The following TANGO6 variants were observed in gnomAD, a reference collection of about 807,000 sequenced individuals.
The protein encoded by TANGO6 is transport and golgi organization 6 homolog.
In TANGO6, 90 loss-of-function variants were observed where a neutral mutation model predicts 114.2. That is an observed-to-expected ratio of 0.79 (90% CI 0.66 to 0.94). TANGO6 has a LOEUF of 0.94. Ranked by LOEUF, TANGO6 falls within the 40% of genes least tolerant of loss-of-function variation. The pLI is 0.00. For missense variants in TANGO6, 1,274 were observed against 1,315.3 expected (o/e 0.97, Z 0.49); for synonymous variants, 477 against 509.8 (o/e 0.94, Z 0.87).
intron 17 of TANGO6, among the ~76,000 whole-genome samples, chr16:69,057,799 G>A (rs978659231): frequency 3.3e-5 from 5 of 152,118 alleles, no homozygotes; most frequent in South Asian, 2.1e-4. Flanking sequence ...CTGACCTCCC[G>A]GGACCTGCCA....
chr16:69,020,676 G>A (rs1959385419), intron 15 of TANGO6, among the ~76,000 whole-genome samples: 1 of 152,100 alleles, frequency 6.6e-6, no homozygotes, highest in Non-Finnish European at 1.5e-5. Context: ...GAGGCAGGAG[G>A]ATCACTTGAG....
intron 16 of TANGO6, among the ~76,000 whole-genome samples, chr16:69,025,679 T>G (rs80209643): frequency 0.031 from 4,743 of 152,266 alleles, 262 homozygotes; most frequent in African/African-American, 0.11. Context: ...TGGAGGTAAG[T>G]TTGCACTGGG....
intron 14 of TANGO6, among the ~76,000 whole-genome samples, chr16:68,945,083 G>A (rs1963400251): frequency 6.6e-6 from 1 of 152,244 alleles, no homozygotes; most frequent in Non-Finnish European, 1.5e-5. Flanking sequence ...AGAGGTTGCA[G>A]TGAGCTGAGA....
At chr16:68,928,298 A>ATTTTTTT (rs10701295) in intron 13 of TANGO6, among the ~76,000 whole-genome samples, 23 of 98,600 alleles carry the variant, frequency 2.3e-4, no homozygotes, top group South Asian at 3.5e-4. Context: ...CTGAGTGCCA[A>ATTTTTTT]TTTTTTTTTT....
intron 1 of TANGO6, among the ~76,000 whole-genome samples, chr16:68,848,663 A>C (rs1205052779): frequency 3.9e-5 from 6 of 152,142 alleles, no homozygotes; most frequent in Admixed American, 3.9e-4. Flanking sequence ...AATATATTTT[A>C]ATATAGTTAG....
intron 7 of TANGO6, among the ~76,000 whole-genome samples, chr16:68,882,358 G>A (rs553984042): frequency 2.4e-4 from 36 of 152,076 alleles, no homozygotes; most frequent in South Asian, 6.2e-4. Flanking sequence ...TTAGCCGGGC[G>A]TGGTGGCAGG....
chr16:68,863,148 G>A (rs928540525), intron 3 of TANGO6, 87 bp downstream of exon 3: 13 of 783,160 alleles, frequency 1.7e-5, no homozygotes, highest in Non-Finnish European at 3.9e-6. Context: ...AATAACTTTA[G>A]TTCCCTGTTT....
At chr16:68,908,510 AC>A (rs1467809065) in intron 10 of TANGO6, among the ~76,000 whole-genome samples, 4 of 97,008 alleles carry the variant, frequency 4.1e-5, no homozygotes, top group African/African-American at 1.5e-4. Context: ...CCCCATCTCT[AC>A]CAAAAATACA....
At chr16:68,916,980 A>C (rs922937211) in intron 11 of TANGO6, among the ~76,000 whole-genome samples, 6 of 152,154 alleles carry the variant, frequency 3.9e-5, no homozygotes, top group African/African-American at 1.4e-4. Context: ...GGATTTGGAC[A>C]AATTTGCAAT....
At chr16:68,866,311 G>A (rs924721787) in intron 3 of TANGO6, among the ~76,000 whole-genome samples, 2 of 151,688 alleles carry the variant, frequency 1.3e-5, no homozygotes, top group African/African-American at 2.4e-5. Flanking sequence ...TTAATTGTCA[G>A]TATGACTCAG....
At chr16:68,878,302 C>T (rs765502038) in intron 6 of TANGO6, 22 bp downstream of exon 6, 18 of 1,570,372 alleles carry the variant, frequency 1.1e-5, no homozygotes, top group Non-Finnish European at 1.5e-5. Context: ...AGTGTGGTGG[C>T]TGTGTGTGCC....
intron 3 of TANGO6, among the ~76,000 whole-genome samples, chr16:68,866,106 T>G (rs1165969045): frequency 1.3e-5 from 2 of 152,174 alleles, no homozygotes; most frequent in Admixed American, 6.5e-5. Flanking sequence ...AGAGATTGTT[T>G]GCATTAACTT....
At position 68,930,276 on chromosome 16, in the gene TANGO6, A is replaced by G. The variant is rs377367135; in HGVS notation, c.2682A>G (p.Val894=). Residue 894 remains valine (V), a synonymous_variant, in exon 14 of 18, where the codon GTA becomes GTG. Transcript: ENST00000261778. The part of the protein sequence containing the change: ...LENLEHEDTF[V]YLSAIQGVAL... ...ACTTGGAACATGAAGACACTTTTGTATATCTATCTGCAATTCAGGGTAAGT... is the reference window on the plus strand; with the variant it reads ...ACTTGGAACATGAAGACACTTTTGTGTATCTATCTGCAATTCAGGGTAAGT... The G allele has an allele frequency of 5.4e-5, 84 of 1,554,576 alleles. No individual in the cohort carries two copies. The East Asian group carries it at 6.9e-4, about 13-fold the overall frequency.
At chr16:68,928,565 G>T (rs965531747) in intron 13 of TANGO6, among the ~76,000 whole-genome samples, 2 of 152,096 alleles carry the variant, frequency 1.3e-5, no homozygotes, top group African/African-American at 4.8e-5. Flanking sequence ...CTCCCAAAGT[G>T]CTGGGATTAC....
At chr16:69,061,478 G>A (rs1314857694) in intron 17 of TANGO6, among the ~76,000 whole-genome samples, 1 of 152,090 alleles carries the variant, frequency 6.6e-6, no homozygotes, top group Non-Finnish European at 1.5e-5. Flanking sequence ...AGCAGGACCT[G>A]GGAGGCAGAG....
At chr16:68,993,067 C>T (rs1469900268) in intron 15 of TANGO6, among the ~76,000 whole-genome samples, 1 of 134,950 alleles carries the variant, frequency 7.4e-6, no homozygotes, top group African/African-American at 2.7e-5. Context: ...GACTCTGTCT[C>T]AAAAAAAAAA....
At chr16:69,044,246 G>A (rs1437181446) in intron 17 of TANGO6, among the ~76,000 whole-genome samples, 1 of 152,166 alleles carries the variant, frequency 6.6e-6, no homozygotes, top group Non-Finnish European at 1.5e-5. Flanking sequence ...TGTATTTTTA[G>A]TAGAGACAGG....
chr16:69,045,188 C>T (rs1959833775), intron 17 of TANGO6, among the ~76,000 whole-genome samples: 1 of 146,398 alleles, frequency 6.8e-6, no homozygotes, highest in African/African-American at 2.5e-5. Flanking sequence ...GGCGCGGCGA[C>T]TCACACCTAT....
chr16:68,913,765 G>A (rs1962961225), intron 11 of TANGO6, among the ~76,000 whole-genome samples: 1 of 151,936 alleles, frequency 6.6e-6, no homozygotes, highest in African/African-American at 2.4e-5. Context: ...CCTTTTTACT[G>A]CAGAACCCTG....
Sources: gnomAD v4.1 joint callset for allele counts (sites outside exome capture counted in the v4.1 genomes callset) on GRCh38, gnomAD v4.1.1 for gene constraint, MANE v1.5 for transcripts, NCBI Gene and HGNC (gene_info 2026-07-23, HGNC 2026-07-21) for gene names.